The following PHF10 variants were observed in gnomAD, a reference collection of about 807,000 sequenced individuals.
PHF10 encodes PHD finger protein 10.
PHF10 carries 51 observed loss-of-function variants against 68.5 expected under a neutral mutation model. That is an observed-to-expected ratio of 0.74 (90% CI 0.59 to 0.94). The LOEUF (loss-of-function observed/expected upper bound fraction) is 0.94, where lower values mean the gene tolerates loss of function less well. Ranked by LOEUF, PHF10 falls within the 40% of genes least tolerant of loss-of-function variation. PHF10 has a pLI of 0.00. For synonymous variants in PHF10, 204 were observed against 203.5 expected, an observed-to-expected ratio of 1.00 and a Z score of -0.02; for missense variants, 460 against 602.6, an observed-to-expected ratio of 0.76 and a Z score of 2.48.
chr6:169,704,282 T>C (rs1237015919), intron 11 of PHF10, 194 bp from the exon 12 acceptor site: 7 of 514,652 alleles, frequency 1.4e-5, no homozygotes, highest in Admixed American at 1.3e-4. Flanking sequence ...CCATGCAAAA[T>C]TCATTGCAAG....
intron 9 of PHF10, among the ~76,000 whole-genome samples, chr6:169,706,719 TACATACATACACACACAC>T (rs1788801841): frequency 1.3e-5 from 1 of 79,702 alleles, no homozygotes; most frequent in South Asian, 4.0e-4. Flanking sequence ...GGGACATACA[TACATACATACACACACAC>T]ACACACACAC....
At chr6:169,704,405 G>A (rs1380912747) in intron 11 of PHF10, 5 of 297,348 alleles carry the variant, frequency 1.7e-5, no homozygotes, top group East Asian at 6.2e-5. Context: ...AACCCATTCC[G>A]GAATTTGGCT....
intron 3 of PHF10, 35 bp downstream of exon 3, chr6:169,718,753 T>C (rs1405480817): frequency 2.6e-6 from 3 of 1,169,212 alleles, no homozygotes; most frequent in Admixed American, 2.0e-5. Flanking sequence ...AGAATTACTA[T>C]CAATTATAAA....
chr6:169,705,958 G>A (rs1241300893), intron 9 of PHF10, among the ~76,000 whole-genome samples: 2 of 152,014 alleles, frequency 1.3e-5, no homozygotes, highest in Non-Finnish European at 2.9e-5. Flanking sequence ...ATTAAATGTA[G>A]CATTCTATAC....
At chr6:169,706,445 GAACA>G (rs1365209869) in intron 9 of PHF10, among the ~76,000 whole-genome samples, 1 of 151,978 alleles carries the variant, frequency 6.6e-6, no homozygotes, top group African/African-American at 2.4e-5. Context: ...AAAAATACAC[GAACA>G]CTCTGAGTAC....
chr6:169,721,160 A>C lies in PHF10; in HGVS notation c.88-49T>G, dbSNP rs1308954567. The C allele has an allele frequency of 2.9e-6, 3 of 1,037,320 alleles. No homozygotes were observed. In the Admixed American group the frequency reaches 6.2e-5, roughly 21 times the overall value. The allele number at this position is 1,037,320 out of a possible 1,614,324, so 64.3% of individuals were successfully genotyped here. ...ATAATAATTAGAGAAAGAATAAAAGAACAGTAAGTCTCAATAAATGAAAGA... is the reference window on the plus strand; with the variant it reads ...ATAATAATTAGAGAAAGAATAAAAGCACAGTAAGTCTCAATAAATGAAAGA... On this transcript the variant is annotated intron_variant, in intron 1 of 11. Coordinates refer to ENST00000339209, the MANE Select transcript of PHF10 (RefSeq NM_018288.4).
In PHF10 at chr6:169,724,393, G is replaced by C. The variant is rs1402514666; in HGVS notation, c.-462C>G. Among the ~76,000 whole-genome samples, 84 of 108,860 alleles carry C rather than the reference G, an allele frequency of 7.7e-4. No homozygotes were observed. The highest frequency in any genetic ancestry group is 2.8e-3 in the African/African-American group (78 of 28,244). 71.4% of individuals were successfully genotyped at this position (108,860 alleles called of 152,430 possible). ...TCAGCCCCGCGGCCGCCTCAGCCCC[G>C]CCGCTCGCCTCAGCCCCGCCGCTCG... On this transcript the variant is annotated 5_prime_UTR_variant, in exon 1 of 12. Transcript: ENST00000339209.
chr6:169,715,383 T>C (rs2128330382), intron 6 of PHF10, among the ~76,000 whole-genome samples: 1 of 152,094 alleles, frequency 6.6e-6, no homozygotes, highest in East Asian at 1.9e-4. Context: ...ATGGCCAACA[T>C]GGTAAAACAC....
intron 7 of PHF10, among the ~76,000 whole-genome samples, chr6:169,713,650 T>C (rs201210451): frequency 1.3e-5 from 2 of 152,018 alleles, no homozygotes; most frequent in South Asian, 2.1e-4. Context: ...TTGCTGCTCA[T>C]GATTTAAATT....
rs1364848622 is a variant in PHF10, at chr6:169,718,762, AATTAATCTATTATAT to A, written c.325+11_325+25del. 1.6e-6 allele frequency: 2 copies of A among 1,272,510 alleles called. No individual in the cohort carries two copies. The highest frequency in any genetic ancestry group is 2.2e-6 in the Non-Finnish European group (2 of 894,046). The allele number at this position is 1,272,510 out of a possible 1,614,324, so 78.8% of individuals were successfully genotyped here. On this transcript the variant is annotated intron_variant, in intron 3 of 11. Transcript: ENST00000339209. Reference sequence around the variant, plus strand: ...TCATAAAGAATTACTATCAATTATAAATTAATCTATTATATAAACTAGTACCTGGATATTTCCTTT... The same window carrying A: ...TCATAAAGAATTACTATCAATTATAAAAACTAGTACCTGGATATTTCCTTT...
At chr6:169,719,599 C>T (rs1254684466) in intron 2 of PHF10, among the ~76,000 whole-genome samples, 1 of 152,132 alleles carries the variant, frequency 6.6e-6, no homozygotes, top group African/African-American at 2.4e-5. Flanking sequence ...TCAAAAAGAA[C>T]AGTGTTCTCA....
intron 6 of PHF10, among the ~76,000 whole-genome samples, chr6:169,715,076 A>C (rs573467401): frequency 6.6e-6 from 1 of 152,188 alleles, no homozygotes; most frequent in Non-Finnish European, 1.5e-5. Context: ...CTCACTACTT[A>C]ACAGCAGAGT....
chr6:169,716,906 A>G (rs1245500697), intron 4 of PHF10, among the ~76,000 whole-genome samples: 5 of 152,180 alleles, frequency 3.3e-5, no homozygotes, highest in Non-Finnish European at 7.4e-5. Context: ...TTAAAAAAAT[A>G]TATTGTACAA....
intron 4 of PHF10, among the ~76,000 whole-genome samples, chr6:169,717,097 C>A (rs976702724): frequency 6.6e-6 from 1 of 152,022 alleles, no homozygotes; most frequent in Admixed American, 6.6e-5. Context: ...AATAAAAATA[C>A]AAAAATTAGA....
At chr6:169,708,179 G>T (rs1306761471) in intron 9 of PHF10, 1 of 152,052 alleles carries the variant, frequency 6.6e-6, no homozygotes, top group Non-Finnish European at 1.5e-5. Context: ...CAAATAAAAG[G>T]CTCACAGTAC....
chr6:169,717,818 C>A lies in PHF10; in HGVS notation c.409+5G>T. On this transcript the variant is annotated splice_donor_5th_base_variant and intron_variant, in intron 4 of 11. Coordinates refer to ENST00000339209, the MANE Select transcript of PHF10 (RefSeq NM_018288.4). ...GAAAAATTCACATTAAAAAGCTATTCTTACCTAGAGTGCACTGAGTTTCAG... is the reference window on the plus strand; with the variant it reads ...GAAAAATTCACATTAAAAAGCTATTATTACCTAGAGTGCACTGAGTTTCAG... 2.3e-6 allele frequency: 3 copies of A among 1,329,446 alleles called. No individual in the cohort carries two copies. Among genetic ancestry groups the A allele is most frequent in the Non-Finnish European group, 3.2e-6 (3 of 931,952 alleles). The allele number at this position is 1,329,446 out of a possible 1,614,324, so 82.4% of individuals were successfully genotyped here.
At position 169,718,836 on chromosome 6, in the gene PHF10, G is replaced by T; in HGVS notation, c.277C>A (p.Gln93Lys). 6.3e-7 allele frequency: 1 copy of T among 1,597,008 alleles called. No homozygotes were observed. The highest frequency in any genetic ancestry group is 8.6e-7 in the Non-Finnish European group (1 of 1,166,398). ...ETGEYYMLQE[Q>K]VSEYLGVTSF... The stretch of plus-strand genomic sequence containing the variant: ...GTCACACCCAAATATTCACTGACTT[G>T]TTCTTGAAGCATATAGTATTCTCCT... The change falls in exon 3 of 12, where the codon CAA becomes AAA. Residue 93 changes from glutamine to lysine, a missense_variant. Gln to Lys is a moderately conservative substitution (Grantham distance 53). This residue lies in a region of PHF10 where 256 missense variants were observed against 410.5 expected (regional missense o/e 0.62). Coordinates refer to ENST00000339209, the MANE Select transcript of PHF10 (RefSeq NM_018288.4).
intron 2 of PHF10, 136 bp downstream of exon 2, chr6:169,720,869 G>T: frequency 3.6e-6 from 2 of 556,324 alleles, no homozygotes; most frequent in East Asian, 2.8e-5. Flanking sequence ...AACTTTGATG[G>T]CACATTATAG....
intron 1 of PHF10, 60 bp downstream of exon 1, chr6:169,723,785 C>T (rs1247211010): frequency 1.9e-6 from 1 of 529,078 alleles, no homozygotes; most frequent in Admixed American, 5.4e-5. Flanking sequence ...ACTGGGCCCA[C>T]GCCCCGGCAC....
Sources: allele counts gnomAD v4.1 joint callset (sites outside exome capture counted in the v4.1 genomes callset), GRCh38; gene constraint gnomAD v4.1.1; regional missense constraint gnomAD v4.1.1; transcripts MANE v1.5; gene names NCBI Gene and HGNC (gene_info 2026-07-23, HGNC 2026-07-21).